The following ECPAS variants were observed in gnomAD, a reference collection of about 807,000 sequenced individuals.
The protein encoded by ECPAS is Ecm29 proteasome adaptor and scaffold.
ECPAS carries 70 observed loss-of-function variants against 255.1 expected under a neutral mutation model. The observed-to-expected ratio is 0.27, with a 90% CI of 0.23 to 0.33. The LOEUF is 0.33. Among genes scored for constraint, ECPAS ranks in the 10% least tolerant of loss-of-function variants. ECPAS has a pLI of 1.00. For missense variants in ECPAS, 1,817 were observed against 2,206.4 expected (o/e 0.82, Z 3.54); for synonymous variants, 784 against 775.0 (o/e 1.01, Z -0.19).
At position 111,469,927 on chromosome 9, in the gene ECPAS, G is replaced by T. The variant is rs533264992; in HGVS notation, c.22+2970C>A. Among the ~76,000 whole-genome samples the T allele has an allele frequency of 5.3e-5, 8 of 152,262 alleles. No homozygotes were observed. The South Asian group carries it at 1.5e-3, about 28-fold the overall frequency. ...TTTACAGAACTCAACAGATGCAAAT[G>T]TACTTAAAAGGAGAATGTCAGGCAG... On this transcript the variant is annotated intron_variant, in intron 2 of 49. Coordinates refer to ENST00000684092, the MANE Select transcript of ECPAS (RefSeq NM_001364929.1).
intron 3 of ECPAS, among the ~76,000 whole-genome samples, chr9:111,448,426 A>G (rs1372131092): frequency 6.6e-6 from 1 of 152,176 alleles, no homozygotes. Context: ...AAGATAAAAA[A>G]TAAACATAAA....
chr9:111,466,656 C>T (rs1049254124), intron 2 of ECPAS, among the ~76,000 whole-genome samples: 2 of 147,240 alleles, frequency 1.4e-5, no homozygotes, highest in Non-Finnish European at 3.0e-5. Flanking sequence ...CACACACACA[C>T]GTTTTTATTT....
At chr9:111,377,618 AAAC>A in intron 36 of ECPAS, among the ~76,000 whole-genome samples, 1 of 152,346 alleles carries the variant, frequency 6.6e-6, no homozygotes, top group Middle Eastern at 3.4e-3. Flanking sequence ...TTAATTTAAA[AAAC>A]AAATCACAGA....
At chr9:111,390,744 G>A (rs1023786023) in intron 29 of ECPAS, among the ~76,000 whole-genome samples, 1 of 152,178 alleles carries the variant, frequency 6.6e-6, no homozygotes, top group African/African-American at 2.4e-5. Flanking sequence ...CCACAGCAAG[G>A]CCCTGCAACC....
chr9:111,484,015 G>A (rs1390872676), intron 1 of ECPAS, 101 bp downstream of exon 1: 111 of 1,024,488 alleles, frequency 1.1e-4, no homozygotes, highest in Non-Finnish European at 1.2e-4. Context: ...TGCGCTCCCC[G>A]CGCGGACTCG....
At chr9:111,442,493 T>C (rs2098247241) in intron 4 of ECPAS, 69 bp from the exon 5 acceptor site, 1 of 965,042 alleles carries the variant, frequency 1.0e-6, no homozygotes, top group Non-Finnish European at 1.6e-6. Flanking sequence ...AAATATATGA[T>C]TGATAACTTA....
At chr9:111,482,370 C>T (rs1199095168) in intron 1 of ECPAS, among the ~76,000 whole-genome samples, 1 of 152,218 alleles carries the variant, frequency 6.6e-6, no homozygotes, top group Non-Finnish European at 1.5e-5. Context: ...AACCTGCCTC[C>T]TCTTTAAAAC....
intron 2 of ECPAS, among the ~76,000 whole-genome samples, chr9:111,463,473 TAAA>T (rs2098275652): frequency 6.6e-6 from 1 of 152,208 alleles, no homozygotes; most frequent in South Asian, 2.1e-4. Flanking sequence ...AAAAAAATTA[TAAA>T]ATTCCTTTGG....
At chr9:111,448,468 A>C (rs1194441224) in intron 3 of ECPAS, among the ~76,000 whole-genome samples, 1 of 152,234 alleles carries the variant, frequency 6.6e-6, no homozygotes, top group Non-Finnish European at 1.5e-5. Flanking sequence ...ACAAGATGTT[A>C]AACTTGTACA....
At chr9:111,434,423 AC>A (rs2098234642) in intron 7 of ECPAS, among the ~76,000 whole-genome samples, 1 of 152,200 alleles carries the variant, frequency 6.6e-6, no homozygotes, top group African/African-American at 2.4e-5. Context: ...AAAAAGAATT[AC>A]TTTTTTAAAA....
intron 24 of ECPAS, among the ~76,000 whole-genome samples, chr9:111,402,339 C>CA (rs1447081101): frequency 2.0e-5 from 3 of 152,060 alleles, no homozygotes; most frequent in African/African-American, 4.8e-5. Context: ...ATGTGTCTTA[C>CA]AAAAAATGCT....
intron 46 of ECPAS, among the ~76,000 whole-genome samples, chr9:111,366,900 G>A (rs1479119390): frequency 6.6e-6 from 1 of 152,118 alleles, no homozygotes; most frequent in Non-Finnish European, 1.5e-5. Context: ...CCCCCACAAA[G>A]GTGCAATATA....
Position 111,370,774 on chromosome 9 carries a change from T to A in ECPAS, c.4738-9A>T, listed in dbSNP as rs772434940. Reference sequence around the variant, plus strand: ...GCTTTCAATAGCTCCTCCTAAGGGGTTGAAAGATGAGGAAATACTATTAAG... The same window carrying A: ...GCTTTCAATAGCTCCTCCTAAGGGGATGAAAGATGAGGAAATACTATTAAG... On this transcript the variant is annotated splice_polypyrimidine_tract_variant and intron_variant, in intron 43 of 49. Transcript: ENST00000684092. 6.3e-7 allele frequency: 1 copy of A among 1,597,146 alleles called. No individual in the cohort carries two copies. Among genetic ancestry groups the A allele is most frequent in the South Asian group, 1.1e-5 (1 of 88,148 alleles).
At position 111,414,543 on chromosome 9, in the gene ECPAS, G is replaced by A. The variant is rs1280266207; in HGVS notation, c.1873C>T (p.Arg625Trp). The part of the protein sequence containing the change: ...DHAPAIGRYI[R>W]TLMSSGQMAP... The stretch of plus-strand genomic sequence containing the variant: ...ATCTGCCCGCTTGACATTAAAGTCC[G>A]TATGTAGCGCCCAATGGCTGGGGCA... Residue 625 changes from arginine (R) to tryptophan (W), a missense_variant, in exon 19 of 50, where the codon CGG becomes TGG. By Grantham distance (101) the Arg-to-Trp change is moderately radical. This residue lies in a region of ECPAS where 573 missense variants were observed against 716.2 expected (regional missense o/e 0.80). Transcript: ENST00000684092. 3 of 1,613,992 alleles carry A rather than the reference G, an allele frequency of 1.9e-6. No homozygotes were observed. The highest frequency in any genetic ancestry group is 2.2e-5 in the East Asian group (1 of 44,874).
intron 1 of ECPAS, among the ~76,000 whole-genome samples, chr9:111,474,258 T>C (rs1402386777): frequency 6.6e-6 from 1 of 152,156 alleles, no homozygotes; most frequent in Admixed American, 6.5e-5. Flanking sequence ...TTCCTTCACT[T>C]TCCTAAATCT....
chr9:111,450,087 T>C (rs1203750767), intron 3 of ECPAS, among the ~76,000 whole-genome samples: 1 of 152,224 alleles, frequency 6.6e-6, no homozygotes, highest in Non-Finnish European at 1.5e-5. Flanking sequence ...ATGTACTATT[T>C]GCCTGACTGT....
intron 8 of ECPAS, 75 bp downstream of exon 8, chr9:111,433,158 A>T: frequency 6.6e-7 from 1 of 1,523,260 alleles, no homozygotes; most frequent in South Asian, 1.2e-5. Context: ...AAAAATCCTT[A>T]AACAAAAAAT....
At chr9:111,474,862 G>A (rs2098294300) in intron 1 of ECPAS, among the ~76,000 whole-genome samples, 1 of 152,198 alleles carries the variant, frequency 6.6e-6, no homozygotes, top group South Asian at 2.1e-4. Context: ...ATTTGTCCAA[G>A]ATCTCAAATC....
chr9:111,409,428 C>T (rs945415580), intron 23 of ECPAS, among the ~76,000 whole-genome samples: 16 of 152,020 alleles, frequency 1.1e-4, no homozygotes, highest in African/African-American at 3.6e-4. Context: ...GGCATGGTGG[C>T]GTGCGCCTGT....
Sources: allele counts gnomAD v4.1 joint callset (sites outside exome capture counted in the v4.1 genomes callset), GRCh38; gene constraint gnomAD v4.1.1; regional missense constraint gnomAD v4.1.1; transcripts MANE v1.5; gene names NCBI Gene and HGNC (gene_info 2026-07-23, HGNC 2026-07-21).